ADAM23: variants seen among roughly 807,000 people sequenced by gnomAD.
ADAM23 encodes ADAM metallopeptidase domain 23, also known as disintegrin and metalloproteinase domain-containing protein 23.
A neutral mutation model predicts 120.1 loss-of-function variants in ADAM23; 33 were observed. That is an observed-to-expected ratio of 0.27 (90% CI 0.21 to 0.37). The LOEUF is 0.37. ADAM23 is among the 10% of genes least tolerant of loss of function. The pLI, the probability that ADAM23 is intolerant of heterozygous loss-of-function variation, is 1.00. For missense variants in ADAM23, 862 were observed against 1,058.2 expected (o/e 0.81, Z 2.57); for synonymous variants, 367 against 375.2 (o/e 0.98, Z 0.25).
At chr2:206,453,177 A>G (rs1695231579) in intron 2 of ADAM23, among the ~76,000 whole-genome samples, 1 of 152,224 alleles carries the variant, frequency 6.6e-6, no homozygotes, top group Non-Finnish European at 1.5e-5. Context: ...CCCAAAGGTC[A>G]GTCCATAGCA....
chr2:206,571,878 G>T (rs771936258), intron 17 of ADAM23, 62 bp downstream of exon 17: 88 of 1,371,310 alleles, frequency 6.4e-5, no homozygotes, highest in Middle Eastern at 1.8e-4. Flanking sequence ...ATCTCAGTGT[G>T]TACACTGAGC....
chr2:206,491,111 A>C (rs781678650), intron 3 of ADAM23, among the ~76,000 whole-genome samples: 12 of 152,106 alleles, frequency 7.9e-5, no homozygotes, highest in Non-Finnish European at 1.5e-4. Context: ...AAAATCCAGC[A>C]TAACTCTTGG....
At position 206,497,587 on chromosome 2, in the gene ADAM23, T is replaced by C. The variant is rs189858309; in HGVS notation, c.509+16279T>C. On this transcript the variant is annotated intron_variant, in intron 3 of 25. Transcript: ENST00000264377. ...AACTGGAAGCATTCCCTTTGAAAAC[T>C]GGCACAAGACAGGGATGCCCTCTCT... 3.6e-3 allele frequency among the ~76,000 whole-genome samples: 549 copies of C among 152,252 alleles called. 2 individuals are homozygous for C. Among genetic ancestry groups the C allele is most frequent in the African/African-American group, 0.012 (517 of 41,540 alleles).
chr2:206,539,256 A>G (rs1011656493), intron 4 of ADAM23, among the ~76,000 whole-genome samples: 1 of 152,128 alleles, frequency 6.6e-6, no homozygotes, highest in African/African-American at 2.4e-5. Context: ...CAGATGCTCC[A>G]TTTCTGTTGA....
intron 4 of ADAM23, among the ~76,000 whole-genome samples, chr2:206,538,227 G>T (rs1213267536): frequency 6.6e-6 from 1 of 152,034 alleles, no homozygotes; most frequent in East Asian, 1.9e-4. Flanking sequence ...TTAATAATTT[G>T]TGTGTTGGGA....
At chr2:206,496,112 G>A (rs1238089291) in intron 3 of ADAM23, among the ~76,000 whole-genome samples, 1 of 152,000 alleles carries the variant, frequency 6.6e-6, no homozygotes, top group African/African-American at 2.4e-5. Flanking sequence ...AGTTAACAAG[G>A]ATATCCAGGA....
intron 18 of ADAM23, among the ~76,000 whole-genome samples, chr2:206,579,949 A>G (rs1006774576): frequency 6.6e-6 from 1 of 151,176 alleles, no homozygotes; most frequent in Non-Finnish European, 1.5e-5. Context: ...TGTTAGGTAT[A>G]TTCCTAAGTA....
intron 3 of ADAM23, among the ~76,000 whole-genome samples, chr2:206,490,634 A>G (rs1417568752): frequency 6.6e-6 from 1 of 152,160 alleles, no homozygotes; most frequent in Non-Finnish European, 1.5e-5. Context: ...TGCATTGTAT[A>G]TGTCCTAGAG....
intron 14 of ADAM23, 94 bp from the exon 15 acceptor site, chr2:206,567,129 G>A (rs1697901982): frequency 2.1e-6 from 2 of 975,152 alleles, no homozygotes; most frequent in Non-Finnish European, 3.1e-6. Context: ...TGGATTCAAA[G>A]TGAACATTTT....
At chr2:206,590,507 C>T (rs1217553541) in intron 21 of ADAM23, among the ~76,000 whole-genome samples, 1 of 152,206 alleles carries the variant, frequency 6.6e-6, no homozygotes, top group Non-Finnish European at 1.5e-5. Context: ...GCCCAAACCT[C>T]TTTCCTTTTC....
chr2:206,516,003 A>T (rs1240336636), intron 3 of ADAM23, among the ~76,000 whole-genome samples: 1 of 151,916 alleles, frequency 6.6e-6, no homozygotes, highest in Admixed American at 6.6e-5. Context: ...CCTCTAATTT[A>T]TGAAAATTAT....
chr2:206,591,474 T>C (rs188267092), intron 21 of ADAM23, among the ~76,000 whole-genome samples: 1 of 152,362 alleles, frequency 6.6e-6, no homozygotes, highest in East Asian at 1.9e-4. Context: ...CTGTTGTTCA[T>C]TTTTATTATT....
At chr2:206,551,955 A>G (rs982222650) in intron 9 of ADAM23, among the ~76,000 whole-genome samples, 2 of 152,224 alleles carry the variant, frequency 1.3e-5, no homozygotes, top group South Asian at 4.1e-4. Flanking sequence ...ATGTGTAGGC[A>G]GTCATTTTAG....
At chr2:206,483,757 C>A (rs1460451429) in intron 3 of ADAM23, among the ~76,000 whole-genome samples, 2 of 152,036 alleles carry the variant, frequency 1.3e-5, no homozygotes, top group Admixed American at 6.6e-5. Flanking sequence ...GCCATTTGAG[C>A]AGTCACCGGT....
chr2:206,555,059 A>G (rs1391639203), intron 9 of ADAM23, among the ~76,000 whole-genome samples: 2 of 152,056 alleles, frequency 1.3e-5, no homozygotes, highest in Non-Finnish European at 2.9e-5. Flanking sequence ...TTCTCTTTGT[A>G]TACTCTCTAC....
At chr2:206,532,747 CATA>C (rs1271589825) in intron 4 of ADAM23, among the ~76,000 whole-genome samples, 2 of 151,946 alleles carry the variant, frequency 1.3e-5, no homozygotes, top group African/African-American at 2.4e-5. Context: ...TTAAAAATTT[CATA>C]ATATTATTTC....
At chr2:206,552,101 T>C (rs1697539647) in intron 9 of ADAM23, among the ~76,000 whole-genome samples, 1 of 152,204 alleles carries the variant, frequency 6.6e-6, no homozygotes, top group South Asian at 2.1e-4. Context: ...ATCTTGAGCA[T>C]TGTGGCATGT....
chr2:206,476,324 C>T (rs1251043903), intron 2 of ADAM23, among the ~76,000 whole-genome samples: 1 of 152,204 alleles, frequency 6.6e-6, no homozygotes, highest in Admixed American at 6.5e-5. Flanking sequence ...CTTCCAAATT[C>T]TGTTATGTTT....
intron 3 of ADAM23, among the ~76,000 whole-genome samples, chr2:206,507,767 A>T (rs1696525720): frequency 6.6e-6 from 1 of 152,218 alleles, no homozygotes; most frequent in Non-Finnish European, 1.5e-5. Context: ...GGTCTCACTG[A>T]TATAAAAATG....
Sources: gnomAD v4.1 joint callset for allele counts (sites outside exome capture counted in the v4.1 genomes callset) on GRCh38, gnomAD v4.1.1 for gene constraint, MANE v1.5 for transcripts, NCBI Gene and HGNC (gene_info 2026-07-23, HGNC 2026-07-21) for gene names.